Variants in CNTN3 observed in about 807,000 individuals in gnomAD.
CNTN3 encodes the protein contactin 3.
A neutral mutation model predicts 119.1 loss-of-function variants in CNTN3; 60 were observed. The ratio of observed to expected loss-of-function variants is 0.50; its 90% CI spans 0.41 to 0.62. The LOEUF (loss-of-function observed/expected upper bound fraction) is 0.62. Among genes scored for constraint, CNTN3 ranks in the 20% least tolerant of loss-of-function variants. CNTN3 has a pLI of 0.00. For missense variants in CNTN3, 1,101 were observed against 1,242.4 expected, an observed-to-expected ratio of 0.89 and a Z score of 1.71; for synonymous variants, 450 against 438.7, an observed-to-expected ratio of 1.03 and a Z score of -0.32.
chr3:74,268,624 T>G (rs1435725503), intron 20 of CNTN3, among the ~76,000 whole-genome samples: 1 of 152,196 alleles, frequency 6.6e-6, no homozygotes, highest in East Asian at 1.9e-4. Context: ...GTATTCACAA[T>G]GAGTTTAGGT....
chr3:74,378,295 G>C (rs754967606), intron 5 of CNTN3, among the ~76,000 whole-genome samples: 1 of 152,184 alleles, frequency 6.6e-6, no homozygotes, highest in Non-Finnish European at 1.5e-5. Context: ...TAGGATTGAA[G>C]AGTCCGCACT....
intron 8 of CNTN3, among the ~76,000 whole-genome samples, chr3:74,366,780 G>GTGTATATATATATATATA (rs1447686332): frequency 0.014 from 888 of 63,600 alleles, 20 homozygotes; most frequent in Non-Finnish European, 0.017. Context: ...GTGTGTGTGT[G>GTGTATATATATATATATA]TATATATATA....
intron 13 of CNTN3, among the ~76,000 whole-genome samples, chr3:74,310,541 T>A (rs1702660180): frequency 6.6e-6 from 1 of 152,156 alleles, no homozygotes; most frequent in Non-Finnish European, 1.5e-5. Flanking sequence ...GGACCTTGGT[T>A]CTTATTGAGA....
At chr3:74,298,270 T>C in intron 17 of CNTN3, 79 bp from the exon 18 acceptor site, 1 of 854,956 alleles carries the variant, frequency 1.2e-6, no homozygotes, top group Non-Finnish European at 1.8e-6. Flanking sequence ...TCCACAGGCA[T>C]TTATTTGTAA....
At position 74,456,548 on chromosome 3, in the gene CNTN3, G is replaced by C. The variant is rs899021390; in HGVS notation, c.358+29908C>G. ...CTAACAATGTCAGCATGGAGGAATG[G>C]ATGAAAACACAAAAAGATCATCTGT... On this transcript the variant is annotated intron_variant, in intron 4 of 22. Transcript: ENST00000263665. Among the ~76,000 whole-genome samples the C allele has an allele frequency of 2.6e-5, 4 of 152,170 alleles. No individual in the cohort carries two copies. In the East Asian group the frequency reaches 5.8e-4, roughly 22 times the overall value.
At chr3:74,520,433 C>T (rs1409290839) in intron 2 of CNTN3, among the ~76,000 whole-genome samples, 1 of 151,118 alleles carries the variant, frequency 6.6e-6, no homozygotes, top group Non-Finnish European at 1.5e-5. Context: ...GTTATATATA[C>T]ACTATTTTAA....
chr3:74,580,830 C>G (rs1243195711), intron 1 of CNTN3, among the ~76,000 whole-genome samples: 1 of 152,168 alleles, frequency 6.6e-6, no homozygotes, highest in South Asian at 2.1e-4. Flanking sequence ...GTGACCCTCC[C>G]ACCTCAGCCT....
chr3:74,475,909 A>T (rs1278281274), intron 4 of CNTN3, among the ~76,000 whole-genome samples: 1 of 152,188 alleles, frequency 6.6e-6, no homozygotes, highest in African/African-American at 2.4e-5. Flanking sequence ...TTCAGCTCTC[A>T]TTATAAACAA....
intron 19 of CNTN3, among the ~76,000 whole-genome samples, chr3:74,290,825 G>A (rs1473350795): frequency 1.3e-5 from 2 of 151,936 alleles, no homozygotes; most frequent in African/African-American, 2.4e-5. Context: ...CTGAGTAGAT[G>A]GGACTACAGG....
At chr3:74,333,596 G>C (rs1431114744) in intron 13 of CNTN3, among the ~76,000 whole-genome samples, 1 of 151,986 alleles carries the variant, frequency 6.6e-6, no homozygotes, top group African/African-American at 2.4e-5. Context: ...ACTGAATAAG[G>C]GCCCATTTTA....
intron 2 of CNTN3, among the ~76,000 whole-genome samples, chr3:74,502,623 C>A (rs534235343): frequency 6.6e-6 from 1 of 152,272 alleles, no homozygotes; most frequent in South Asian, 2.1e-4. Context: ...TCCAGCCACA[C>A]TGCTCTTGTT....
chr3:74,447,707 C>G (rs1359492986), intron 4 of CNTN3, among the ~76,000 whole-genome samples: 1 of 152,140 alleles, frequency 6.6e-6, no homozygotes, highest in Non-Finnish European at 1.5e-5. Flanking sequence ...ACCATTAACT[C>G]TCTCACACAG....
intron 5 of CNTN3, among the ~76,000 whole-genome samples, chr3:74,419,983 A>T (rs9852615): frequency 0.039 from 5,893 of 152,268 alleles, 341 homozygotes; most frequent in African/African-American, 0.13. Context: ...CTAGATTAAT[A>T]ATTATGCTAC....
chr3:74,288,159 C>CTTT (rs3084509), intron 19 of CNTN3, among the ~76,000 whole-genome samples: 7,607 of 90,146 alleles, frequency 0.084, 838 homozygotes, highest in African/African-American at 0.23. Flanking sequence ...CTTTTCTTTT[C>CTTT]TTTTTTTTTT....
intron 5 of CNTN3, among the ~76,000 whole-genome samples, chr3:74,376,237 G>T (rs986546383): frequency 6.6e-6 from 1 of 152,148 alleles, no homozygotes; most frequent in Admixed American, 6.5e-5. Flanking sequence ...GTTTAAAGCA[G>T]GGGTGCCCAA....
chr3:74,301,901 T>C (rs1702467311), intron 14 of CNTN3, 96 bp from the exon 15 acceptor site: 1 of 1,358,736 alleles, frequency 7.4e-7, no homozygotes, highest in South Asian at 1.4e-5. Flanking sequence ...CACTTCAATA[T>C]CTCTGACTTT....
intron 4 of CNTN3, among the ~76,000 whole-genome samples, chr3:74,453,728 T>A (rs201035473): frequency 1.3e-5 from 2 of 150,578 alleles, no homozygotes; most frequent in African/African-American, 4.9e-5. Context: ...TTTGTTCTCG[T>A]TGGTTTCAAA....
At position 74,371,418 on chromosome 3, in the gene CNTN3, A is replaced by G. The variant is rs771487023; in HGVS notation, c.455-19T>C. 2 of 1,579,736 alleles carry G rather than the reference A, an allele frequency of 1.3e-6. No individual in the cohort carries two copies. The highest frequency in any genetic ancestry group is 1.7e-5 in the Admixed American group (1 of 59,810). ...GACAGTTCTAATAAAATTGTTGAAG[A>G]GAGAAAGAAATTCCATCATTAAGGA... On this transcript the variant is annotated intron_variant, in intron 5 of 22. Transcript: ENST00000263665.
intron 10 of CNTN3, among the ~76,000 whole-genome samples, chr3:74,362,869 G>C (rs1230200375): frequency 6.6e-6 from 1 of 152,230 alleles, no homozygotes; most frequent in East Asian, 1.9e-4. Flanking sequence ...ATCATATTAC[G>C]TAATTATACA....
Sources: allele counts gnomAD v4.1 joint callset (sites outside exome capture counted in the v4.1 genomes callset), GRCh38; gene constraint gnomAD v4.1.1; transcripts MANE v1.5; gene names NCBI Gene and HGNC (gene_info 2026-07-23, HGNC 2026-07-21).